SYT1: variants seen among roughly 807,000 people sequenced by gnomAD.
SYT1 encodes the protein synaptotagmin-1.
Under a neutral mutation model 44.8 loss-of-function variants are expected in SYT1, and 8 were observed. That is an observed-to-expected ratio of 0.18 (90% CI 0.10 to 0.32). The LOEUF (loss-of-function observed/expected upper bound fraction) is 0.32. SYT1 is among the 10% of genes least tolerant of loss of function. The pLI is 1.00. For missense variants in SYT1, 286 were observed against 509.3 expected, an observed-to-expected ratio of 0.56 and a Z score of 4.22; for synonymous variants, 154 against 188.8, an observed-to-expected ratio of 0.82 and a Z score of 1.51.
At chr12:79,211,791 T>C (rs10778521) in intron 3 of SYT1, among the ~76,000 whole-genome samples, 96,592 of 151,540 alleles carry the variant, frequency 0.64, 31,131 homozygotes, top group Admixed American at 0.7. Context: ...TATGGCTGCA[T>C]AGTATTCCAT....
intron 8 of SYT1, among the ~76,000 whole-genome samples, chr12:79,344,217 T>C (rs1224393836): frequency 6.6e-6 from 1 of 152,174 alleles, no homozygotes; most frequent in Non-Finnish European, 1.5e-5. Flanking sequence ...CTATCCTTAT[T>C]CCCCACCTAC....
intron 1 of SYT1, among the ~76,000 whole-genome samples, chr12:78,906,398 A>G (rs1403533485): frequency 2.0e-5 from 3 of 152,166 alleles, no homozygotes; most frequent in Non-Finnish European, 4.4e-5. Context: ...GGCTGAAGAT[A>G]TAGCAGTGCC....
intron 2 of SYT1, among the ~76,000 whole-genome samples, chr12:78,983,733 A>T (rs1329628069): frequency 6.6e-6 from 1 of 152,090 alleles, no homozygotes; most frequent in East Asian, 1.9e-4. Flanking sequence ...AACTAAAAGG[A>T]TAATCTTAAG....
chr12:79,192,679 C>G (rs558192620), intron 3 of SYT1, among the ~76,000 whole-genome samples: 1 of 152,038 alleles, frequency 6.6e-6, no homozygotes. Flanking sequence ...AAGTATTTTG[C>G]GAAACCATTC....
chr12:78,940,566 T>A (rs188936716), intron 1 of SYT1, among the ~76,000 whole-genome samples: 59 of 151,760 alleles, frequency 3.9e-4, no homozygotes, highest in Middle Eastern at 3.4e-3. Context: ...ATTTTTTTTT[T>A]AATTTTTTGT....
At chr12:79,146,784 T>TA (rs1364025677) in intron 3 of SYT1, among the ~76,000 whole-genome samples, 2 of 152,118 alleles carry the variant, frequency 1.3e-5, no homozygotes, top group Non-Finnish European at 2.9e-5. Context: ...ACCTGGGTTT[T>TA]AAAAAAATTG....
At chr12:79,241,831 A>T (rs1378584134) in intron 4 of SYT1, among the ~76,000 whole-genome samples, 1 of 152,024 alleles carries the variant, frequency 6.6e-6, no homozygotes, top group Non-Finnish European at 1.5e-5. Context: ...TTTTTTGAAG[A>T]TCGAATCAAG....
At chr12:79,052,900 C>A (rs1354851647) in intron 3 of SYT1, among the ~76,000 whole-genome samples, 4 of 152,184 alleles carry the variant, frequency 2.6e-5, no homozygotes, top group Non-Finnish European at 5.9e-5. Flanking sequence ...CACTTCTACA[C>A]TGTTGGTGGG....
intron 1 of SYT1, among the ~76,000 whole-genome samples, chr12:78,948,081 C>T (rs554978089): frequency 6.6e-6 from 1 of 151,638 alleles, no homozygotes; most frequent in Admixed American, 6.6e-5. Flanking sequence ...ATGAAAGGTC[C>T]TGCAGATTAA....
At chr12:78,873,606 T>A (rs557288311) in intron 1 of SYT1, among the ~76,000 whole-genome samples, 3 of 151,638 alleles carry the variant, frequency 2.0e-5, no homozygotes, top group African/African-American at 4.8e-5. Context: ...TAGGGTGCAA[T>A]GAGAAGTGAT....
intron 3 of SYT1, among the ~76,000 whole-genome samples, chr12:79,156,436 TTGC>T (rs1197271630): frequency 7.3e-6 from 1 of 136,390 alleles, no homozygotes; most frequent in African/African-American, 2.8e-5. Context: ...GTTGTGGTTG[TTGC>T]TGCTGTTGTT....
At chr12:79,308,958 C>T (rs1462004597) in intron 8 of SYT1, among the ~76,000 whole-genome samples, 1 of 152,266 alleles carries the variant, frequency 6.6e-6, no homozygotes, top group East Asian at 1.9e-4. Flanking sequence ...ATAGCTATTA[C>T]ATGGCAAACC....
intron 2 of SYT1, among the ~76,000 whole-genome samples, chr12:79,041,218 A>G (rs1873542611): frequency 6.6e-6 from 1 of 152,048 alleles, no homozygotes; most frequent in African/African-American, 2.4e-5. Context: ...CTTGGGCAGT[A>G]TGGCCATTTT....
At chr12:79,381,619 G>A (rs1264360673) in intron 9 of SYT1, among the ~76,000 whole-genome samples, 1 of 152,184 alleles carries the variant, frequency 6.6e-6, no homozygotes, top group Non-Finnish European at 1.5e-5. Context: ...GGTCTTTGTC[G>A]AGATAATACC....
chr12:79,274,020 G>A (rs985095744), intron 4 of SYT1, among the ~76,000 whole-genome samples: 81 of 152,178 alleles, frequency 5.3e-4, no homozygotes, highest in African/African-American at 1.9e-3. Flanking sequence ...GGAGGCAGAG[G>A]TTGCAGTGAG....
At chr12:79,418,260 G>A (rs926408932) in intron 9 of SYT1, among the ~76,000 whole-genome samples, 9 of 152,116 alleles carry the variant, frequency 5.9e-5, no homozygotes, top group African/African-American at 2.2e-4. Flanking sequence ...ATGGAAATTA[G>A]CGAAAATTTT....
At chr12:79,157,416 G>A (rs536095649) in intron 3 of SYT1, among the ~76,000 whole-genome samples, 7 of 152,262 alleles carry the variant, frequency 4.6e-5, no homozygotes, top group East Asian at 1.9e-4. Flanking sequence ...CCTCCATCCC[G>A]TCGCTATTTA....
chr12:78,947,356 G>C (rs1527078), intron 1 of SYT1, among the ~76,000 whole-genome samples: 23,028 of 151,888 alleles, frequency 0.15, 2,034 homozygotes, highest in East Asian at 0.3. Context: ...GTTTAGGCTA[G>C]ATTATGTGCG....
At chr12:79,171,046 T>C (rs188043726) in intron 3 of SYT1, among the ~76,000 whole-genome samples, 23 of 152,194 alleles carry the variant, frequency 1.5e-4, no homozygotes, top group African/African-American at 4.1e-4. Flanking sequence ...GTTCCATTGG[T>C]CTATGTGTCT....
Sources: allele counts gnomAD v4.1 joint callset (sites outside exome capture counted in the v4.1 genomes callset), GRCh38; gene constraint gnomAD v4.1.1; transcripts MANE v1.5; gene names NCBI Gene and HGNC (gene_info 2026-07-23, HGNC 2026-07-21).